MTOR: variants seen among roughly 807,000 people sequenced by gnomAD.
MTOR encodes mechanistic target of rapamycin kinase.
A neutral mutation model predicts 319.8 loss-of-function variants in MTOR; 70 were observed. That is an observed-to-expected ratio of 0.22 (90% CI 0.18 to 0.27). The LOEUF is 0.27. Among genes scored for constraint, MTOR ranks in the 10% least tolerant of loss-of-function variants. MTOR has a pLI of 1.00. For missense variants in MTOR, 1,890 were observed against 3,274.4 expected (o/e 0.58, Z 10.32); for synonymous variants, 1,183 against 1,211.4 (o/e 0.98, Z 0.49).
rs1646236049 is a variant in MTOR, at chr1:11,209,243, G to C, written c.3801+69C>G. ...GGTTTTCGGTTGCCCAGTTTAAACA[G>C]TTAAAAGTTTTGAGTAAGTGAGAAG... On this transcript the variant is annotated intron_variant, in intron 25 of 57. Coordinates refer to ENST00000361445, the MANE Select transcript of MTOR (RefSeq NM_004958.4). 1.9e-6 allele frequency: 3 copies of C among 1,597,420 alleles called. No individual in the cohort carries two copies. In the African/African-American group the frequency reaches 4.0e-5, roughly 21 times the overall value.
At chr1:11,239,871 C>T (rs1647764532) in intron 11 of MTOR, among the ~76,000 whole-genome samples, 2 of 141,594 alleles carry the variant, frequency 1.4e-5, no homozygotes, top group South Asian at 2.2e-4. Context: ...TGCCACTGCA[C>T]ATCAGCCTGG....
At chr1:11,194,521 A>T (rs1227950137) in intron 28 of MTOR, 8 of 1,614,060 alleles carry the variant, frequency 5.0e-6, no homozygotes, top group Non-Finnish European at 6.8e-6. Context: ...CAATGAACTC[A>T]ACAGCTATCG....
chr1:11,251,814 C>G (rs1649734094), intron 6 of MTOR, among the ~76,000 whole-genome samples: 1 of 152,006 alleles, frequency 6.6e-6, no homozygotes, highest in Admixed American at 6.6e-5. Flanking sequence ...TTATAATTTA[C>G]AAACCACCTG....
At chr1:11,176,464 TGAG>T (rs1644997489) in intron 28 of MTOR, among the ~76,000 whole-genome samples, 3 of 152,198 alleles carry the variant, frequency 2.0e-5, no homozygotes, top group African/African-American at 7.2e-5. Flanking sequence ...CAGGAATGTA[TGAG>T]AACACACCCA....
intron 25 of MTOR, among the ~76,000 whole-genome samples, chr1:11,205,186 G>C (rs1646098735): frequency 6.6e-6 from 1 of 152,218 alleles, no homozygotes; most frequent in Non-Finnish European, 1.5e-5. Context: ...ACAAGAAAAA[G>C]GGGTTGAACA....
intron 28 of MTOR, among the ~76,000 whole-genome samples, chr1:11,180,613 G>A (rs994813588): frequency 6.6e-6 from 1 of 152,122 alleles, no homozygotes; most frequent in Non-Finnish European, 1.5e-5. Flanking sequence ...TGGTGGGGTG[G>A]ACATGTGATC....
Position 11,115,860 on chromosome 1 carries a change from A to G in MTOR, c.7017-392T>C, listed in dbSNP as rs1195879631. Among the ~76,000 whole-genome samples the G allele has an allele frequency of 6.6e-6, 1 of 152,216 alleles. No homozygotes were observed. The highest frequency in any genetic ancestry group is 1.5e-5 in the Non-Finnish European group (1 of 68,028). ...CTTTTCTGAGGTCTTTGGTGACCTA[A>G]TAAGTCATTTCTGGCAGCACTGGCA... On this transcript the variant is annotated intron_variant, in intron 50 of 57. Transcript: ENST00000361445. The surrounding 1 kb of genome is among the most constrained non-coding windows in gnomAD (Gnocchi z 4.5).
chr1:11,133,782 T>TG lies in MTOR; in HGVS notation c.5246+568dup, dbSNP rs1643271990. Among the ~76,000 whole-genome samples, 1 of 152,198 alleles carries TG rather than the reference T, an allele frequency of 6.6e-6. No homozygotes were observed. Among genetic ancestry groups the TG allele is most frequent in the African/African-American group, 2.4e-5 (1 of 41,520 alleles). Reference sequence around the variant, plus strand: ...CAAATATCAAATCTGCAGCACAGAGTGGCACAGTGGCCCACACCTATAATC... The same window carrying TG: ...CAAATATCAAATCTGCAGCACAGAGTGGGCACAGTGGCCCACACCTATAATC... On this transcript the variant is annotated intron_variant, in intron 37 of 57. Transcript: ENST00000361445. The surrounding 1 kb of genome is among the most constrained non-coding windows in gnomAD (Gnocchi z 4.0).
intron 36 of MTOR, among the ~76,000 whole-genome samples, 176 bp from the exon 37 acceptor site, chr1:11,134,642 G>A (rs571378905): frequency 1.3e-5 from 2 of 152,284 alleles, no homozygotes; most frequent in East Asian, 1.9e-4. Context: ...GAGAGACTGG[G>A]CTTTTCAAAA....
At chr1:11,254,053 G>C (rs1650044024) in intron 5 of MTOR, 80 bp from the exon 6 acceptor site, 1 of 1,562,288 alleles carries the variant, frequency 6.4e-7, no homozygotes, top group Admixed American at 1.7e-5. Context: ...ATCTACACTG[G>C]GGGTTCTGAG....
Position 11,130,568 on chromosome 1 carries a change from G to T in MTOR, c.5574C>A (p.Asn1858Lys). 6.2e-7 allele frequency: 1 copy of T among 1,613,628 alleles called. No homozygotes were observed. Among genetic ancestry groups the T allele is most frequent in the Non-Finnish European group, 8.5e-7 (1 of 1,180,014 alleles). The change falls in exon 39 of 58, where the codon AAC (asparagine) becomes AAA (lysine). Residue 1858 changes from asparagine (N) to lysine (K), a missense_variant. Physicochemically the swap from Asn to Lys is moderately conservative, Grantham distance 94 (BLOSUM62 0). This residue lies in a region of MTOR where 91 missense variants were observed against 90.4 expected (regional missense o/e 1.01). Transcript: ENST00000361445. ...NSESEAESTE[N>K]SPTPSPLQKK... Reference sequence around the variant, plus strand: ...TCTGCAGCGGCGATGGGGTGGGGCTGTTCTCGGTGCTCTCGGCCTCGCTCT... The same window carrying T: ...TCTGCAGCGGCGATGGGGTGGGGCTTTTCTCGGTGCTCTCGGCCTCGCTCT...
chr1:11,217,822 A>G (rs1646523614), intron 19 of MTOR, among the ~76,000 whole-genome samples: 1 of 152,102 alleles, frequency 6.6e-6, no homozygotes, highest in Non-Finnish European at 1.5e-5. Flanking sequence ...AAGTCGGGTA[A>G]GTTGGAATAA....
At chr1:11,110,386 T>G (rs1390467827) in intron 54 of MTOR, among the ~76,000 whole-genome samples, 1 of 152,206 alleles carries the variant, frequency 6.6e-6, no homozygotes, top group Non-Finnish European at 1.5e-5. Context: ...ACCTTCTGAA[T>G]GAAGGTAGTG....
At chr1:11,223,932 G>A (rs2100835025) in intron 19 of MTOR, among the ~76,000 whole-genome samples, 1 of 152,014 alleles carries the variant, frequency 6.6e-6, no homozygotes, top group African/African-American at 2.4e-5. Flanking sequence ...CCAGCTACCT[G>A]GGAGGGTGAG....
chr1:11,192,312 G>C, intron 28 of MTOR: 1 of 1,613,956 alleles, frequency 6.2e-7, no homozygotes, highest in African/African-American at 1.3e-5. Flanking sequence ...AAGAACTACC[G>C]CATCTCTGGA....
intron 19 of MTOR, among the ~76,000 whole-genome samples, chr1:11,223,061 T>C (rs1646720579): frequency 6.6e-6 from 1 of 152,078 alleles, no homozygotes; most frequent in Non-Finnish European, 1.5e-5. Flanking sequence ...TAATCAAGCC[T>C]CTAAATCTAA....
At chr1:11,107,610 C>G in intron 57 of MTOR, 110 bp from the exon 58 acceptor site, 1 of 1,138,218 alleles carries the variant, frequency 8.8e-7, no homozygotes, top group South Asian at 1.5e-5. Context: ...TAGGGTATTC[C>G]CTGAGCTCTC....
At chr1:11,185,600 C>A (rs954551528) in intron 28 of MTOR, among the ~76,000 whole-genome samples, 1 of 151,916 alleles carries the variant, frequency 6.6e-6, no homozygotes, top group African/African-American at 2.4e-5. Flanking sequence ...GAAACCCTGT[C>A]ACAAAACAAA....
intron 2 of MTOR, 143 bp from the exon 3 acceptor site, chr1:11,258,736 A>G (rs1650746438): frequency 1.6e-6 from 1 of 611,362 alleles, no homozygotes; most frequent in South Asian, 2.0e-5. Context: ...CCATTTCTAT[A>G]GGATTACACT....
Sources: gnomAD v4.1 joint callset for allele counts (sites outside exome capture counted in the v4.1 genomes callset) on GRCh38, gnomAD v4.1.1 for gene constraint, gnomAD v4.1.1 regional missense constraint, Gnocchi (gnomAD v3.1) non-coding constraint, MANE v1.5 for transcripts, NCBI Gene and HGNC (gene_info 2026-07-23, HGNC 2026-07-21) for gene names.